Variants in GOLGA4 observed in about 807,000 individuals in gnomAD.
The protein encoded by GOLGA4 is golgin A4.
GOLGA4 carries 169 observed loss-of-function variants against 265.9 expected under a neutral mutation model. The ratio of observed to expected loss-of-function variants is 0.64; its 90% confidence interval spans 0.56 to 0.72. The LOEUF (loss-of-function observed/expected upper bound fraction) is 0.72, where lower values mean the gene tolerates loss of function less well. Ranked by LOEUF, GOLGA4 falls within the 30% of genes least tolerant of loss-of-function variation. The pLI is 0.00. For synonymous variants in GOLGA4, 923 were observed against 855.8 expected, an observed-to-expected ratio of 1.08 and a Z score of -1.37; for missense variants, 2,482 against 2,483.4, an observed-to-expected ratio of 1.00 and a Z score of 0.01.
chr3:37,317,917 A>AT (rs568585716), intron 11 of GOLGA4, among the ~76,000 whole-genome samples: 205 of 147,194 alleles, frequency 1.4e-3, no homozygotes, highest in South Asian at 4.3e-3. Flanking sequence ...TTCGTAGAAA[A>AT]TTTTTTTTTT....
chr3:37,274,435 T>C (rs990651614), intron 2 of GOLGA4, among the ~76,000 whole-genome samples: 1 of 152,164 alleles, frequency 6.6e-6, no homozygotes, highest in African/African-American at 2.4e-5. Context: ...CTCATGCCTG[T>C]TATCCCAGCA....
chr3:37,324,320 G>A lies in GOLGA4; in HGVS notation c.2434G>A (p.Glu812Lys). The A allele has an allele frequency of 6.2e-7, 1 of 1,614,140 alleles. No homozygotes were observed. The highest frequency in any genetic ancestry group is 8.5e-7 in the Non-Finnish European group (1 of 1,180,024). ...VFQSYQSATHEQTKAYEEQLA... is the reference protein window; with the variant it reads ...VFQSYQSATHKQTKAYEEQLA... ...TCAGTCTTACCAGAGTGCCACACAT[G>A]AGCAGACAAAAGCATATGAGGAACA... Residue 812 changes from glutamate (E) to lysine (K), a missense_variant, in exon 14 of 24, where the codon GAG becomes AAG. This residue lies in a region of GOLGA4 where 1,536 missense variants were observed against 1,483.7 expected (regional missense o/e 1.04). Coordinates refer to ENST00000361924, the MANE Select transcript of GOLGA4 (RefSeq NM_002078.5).
At chr3:37,329,541 C>T (rs1280744159) in intron 16 of GOLGA4, among the ~76,000 whole-genome samples, 1 of 152,172 alleles carries the variant, frequency 6.6e-6, no homozygotes, top group South Asian at 2.1e-4. Flanking sequence ...TTACTCTTAT[C>T]TCTACCCAGT....
intron 2 of GOLGA4, among the ~76,000 whole-genome samples, chr3:37,280,865 T>C (rs1357648794): frequency 6.6e-6 from 1 of 152,070 alleles, no homozygotes; most frequent in Non-Finnish European, 1.5e-5. Context: ...TGGGACATAT[T>C]ATCTCCTCTT....
chr3:37,324,946 A>T lies in GOLGA4; in HGVS notation c.3060A>T (p.Arg1020Ser). 6.2e-7 allele frequency: 1 copy of T among 1,613,570 alleles called. No homozygotes were observed. The highest frequency in any genetic ancestry group is 8.5e-7 in the Non-Finnish European group (1 of 1,179,778). ...CTGGAATCAGTGATGCAGTGTCAAG[A>T]CTGGAAACAAACCAAAAAGAACAAA... is the stretch of plus-strand genomic sequence containing the variant. ...NSAGISDAVS[R>S]LETNQKEQIE... Residue 1020 changes from arginine to serine, a missense_variant, in exon 14 of 24, where the codon AGA (arginine) becomes AGT (serine). Physicochemically the swap from Arg to Ser is moderately radical, Grantham distance 110. Around this residue, in one of 3 missense-constraint regions of GOLGA4, gnomAD observed 1,536 missense variants for 1,483.7 expected, o/e 1.04. Coordinates refer to ENST00000361924, the MANE Select transcript of GOLGA4 (RefSeq NM_002078.5).
At chr3:37,281,834 G>A in intron 2 of GOLGA4, 124 bp from the exon 3 acceptor site, 1 of 747,058 alleles carries the variant, frequency 1.3e-6, no homozygotes. Context: ...AATGTATTAT[G>A]TAAAATGTCA....
chr3:37,328,978 T>C lies in GOLGA4; in HGVS notation c.6077T>C (p.Val2026Ala), dbSNP rs202124426. 4 of 1,604,770 alleles carry C rather than the reference T, an allele frequency of 2.5e-6. No homozygotes were observed. In the Admixed American group the frequency reaches 5.2e-5, roughly 21 times the overall value. Residue 2026 changes from valine to alanine, a missense_variant, in exon 16 of 24, where the codon GTG becomes GCG. By Grantham distance (64) the Val-to-Ala change is moderately conservative. This residue lies in a region of GOLGA4 where 942 missense variants were observed against 983.1 expected (regional missense o/e 0.96). Coordinates refer to ENST00000361924, the MANE Select transcript of GOLGA4 (RefSeq NM_002078.5). Reference sequence around the variant, plus strand: ...TATTTATTAGATAAGGCCCAGGAGGTGGAGGCTGAACTTTTAGAAAGCCAT... The same window carrying C: ...TATTTATTAGATAAGGCCCAGGAGGCGGAGGCTGAACTTTTAGAAAGCCAT... ...IKETINKAQE[V>A]EAELLESHQE... is the part of the protein sequence containing the mutation.
At chr3:37,305,142 C>T (rs2096902767) in intron 10 of GOLGA4, among the ~76,000 whole-genome samples, 2 of 152,114 alleles carry the variant, frequency 1.3e-5, no homozygotes, top group South Asian at 4.1e-4. Flanking sequence ...TGGTCTCGAA[C>T]TCCCAACCTC....
In GOLGA4 at chr3:37,295,027, G is replaced by C. The variant is rs1472146081; in HGVS notation, c.631G>C (p.Asp211His). The stretch of plus-strand genomic sequence containing the variant: ...AAAGAAACATCTGCAAGAGGAGTTT[G>C]ATGCATCTTTAGAGGAGAAAGATCA... ...QAKKHLQEEFDASLEEKDQYI... is the reference protein window; with the variant it reads ...QAKKHLQEEFHASLEEKDQYI... Residue 211 changes from aspartate to histidine, a missense_variant, in exon 6 of 24, where the codon GAT becomes CAT. By Grantham distance (81) the Asp-to-His change is moderately conservative. Coordinates refer to ENST00000361924, the MANE Select transcript of GOLGA4 (RefSeq NM_002078.5). 1 of 1,610,868 alleles carries C rather than the reference G, an allele frequency of 6.2e-7. No homozygotes were observed. The highest frequency in any genetic ancestry group is 8.5e-7 in the Non-Finnish European group (1 of 1,177,794).
At chr3:37,365,841 C>T (rs1296267165) in intron 23 of GOLGA4, among the ~76,000 whole-genome samples, 1 of 150,142 alleles carries the variant, frequency 6.7e-6, no homozygotes, top group African/African-American at 2.5e-5. Context: ...CTGTGTTGAC[C>T]AGGCTGGTCT....
At chr3:37,313,604 G>A (rs1401539929) in intron 10 of GOLGA4, 1 of 152,074 alleles carries the variant, frequency 6.6e-6, no homozygotes. Context: ...CTTCTGTGAG[G>A]ACTAAAGGAA....
chr3:37,243,577 C>T lies in GOLGA4; in HGVS notation c.27C>T (p.Ile9=). The stretch of plus-strand genomic sequence containing the variant: ...TGTTCAAGAAACTGAAGCAAAAGAT[C>T]AGCGAGGAGCAGCAGCAGCTCCAGC... MFKKLKQK[I]SEEQQQLQQA... is the part of the protein sequence containing the mutation. The change falls in exon 1 of 24, where the codon ATC becomes ATT. Residue 9 remains isoleucine, a synonymous_variant. Coordinates refer to ENST00000361924, the MANE Select transcript of GOLGA4 (RefSeq NM_002078.5). The T allele has an allele frequency of 1.9e-6, 3 of 1,614,036 alleles. No individual in the cohort carries two copies. Among genetic ancestry groups the T allele is most frequent in the Middle Eastern group, 1.7e-4 (1 of 6,060 alleles).
At chr3:37,286,138 CTTTTTTTTTTTTTTT>C (rs71094903) in intron 4 of GOLGA4, 77 bp downstream of exon 4, 4 of 225,732 alleles carry the variant, frequency 1.8e-5, no homozygotes, top group East Asian at 1.2e-4. Context: ...ATATTTCTTT[CTTTTTTTTTTTTTTT>C]TTTTTTTTTT....
At chr3:37,312,434 A>C (rs2096925596) in intron 10 of GOLGA4, among the ~76,000 whole-genome samples, 1 of 152,208 alleles carries the variant, frequency 6.6e-6, no homozygotes, top group Non-Finnish European at 1.5e-5. Flanking sequence ...TGTAAAACAA[A>C]GATACCATTT....
intron 5 of GOLGA4, among the ~76,000 whole-genome samples, chr3:37,293,898 T>C (rs2096871349): frequency 6.6e-6 from 1 of 152,268 alleles, no homozygotes; most frequent in African/African-American, 2.4e-5. Flanking sequence ...ACTACAAGCC[T>C]GTACAGCATG....
intron 21 of GOLGA4, among the ~76,000 whole-genome samples, chr3:37,347,673 T>C (rs758862747): frequency 6.6e-6 from 1 of 152,138 alleles, no homozygotes; most frequent in African/African-American, 2.4e-5. Flanking sequence ...GAAATAGTCA[T>C]AATTATTAGC....
intron 20 of GOLGA4, among the ~76,000 whole-genome samples, 191 bp downstream of exon 20, chr3:37,340,390 T>C (rs1424730430): frequency 6.6e-6 from 1 of 152,224 alleles, no homozygotes; most frequent in African/African-American, 2.4e-5. Flanking sequence ...ATAGATTCAT[T>C]GTGGAATGGT....
At chr3:37,363,155 G>A (rs1344384912) in intron 23 of GOLGA4, among the ~76,000 whole-genome samples, 1 of 151,932 alleles carries the variant, frequency 6.6e-6, no homozygotes, top group Non-Finnish European at 1.5e-5. Context: ...TATATTATTT[G>A]ATTTGCCTTA....
At chr3:37,266,828 A>G (rs1007188275) in intron 2 of GOLGA4, 71 of 1,189,250 alleles carry the variant, frequency 6.0e-5, no homozygotes, top group Non-Finnish European at 7.8e-5. Context: ...TGCTTATTAC[A>G]CTGAATGAGA....
Sources: allele counts gnomAD v4.1 joint callset (sites outside exome capture counted in the v4.1 genomes callset), GRCh38; gene constraint gnomAD v4.1.1; regional missense constraint gnomAD v4.1.1; transcripts MANE v1.5; gene names NCBI Gene and HGNC (gene_info 2026-07-23, HGNC 2026-07-21).